TENM3: variants seen among roughly 807,000 people sequenced by gnomAD.
TENM3 encodes the protein teneurin transmembrane protein 3, also known as teneurin-3.
TENM3 carries 63 observed loss-of-function variants against 255.1 expected under a neutral mutation model. That is an observed-to-expected ratio of 0.25 (90% CI 0.20 to 0.30). The LOEUF (loss-of-function observed/expected upper bound fraction) is 0.30. TENM3 is among the 10% of genes least tolerant of loss of function. The pLI is 1.00. For missense variants in TENM3, 2,929 were observed against 3,461.1 expected, an observed-to-expected ratio of 0.85 and a Z score of 3.86; for synonymous variants, 1,306 against 1,322.3, an observed-to-expected ratio of 0.99 and a Z score of 0.27.
At chr4:182,161,808 T>C (rs545240671) in intron 1 of TENM3, among the ~76,000 whole-genome samples, 1 of 33,556 alleles carries the variant, frequency 3.0e-5, no homozygotes, top group Admixed American at 5.8e-4. Context: ...TATATACACA[T>C]ATATATGTAT....
intron 24 of TENM3, among the ~76,000 whole-genome samples, chr4:182,782,981 C>T (rs1765300014): frequency 2.0e-5 from 3 of 151,524 alleles, no homozygotes; most frequent in Admixed American, 2.0e-4. Flanking sequence ...CTGAATACAG[C>T]ACACTGATGG....
chr4:182,569,436 C>A (rs780493374), intron 3 of TENM3, among the ~76,000 whole-genome samples: 36 of 151,954 alleles, frequency 2.4e-4, no homozygotes, highest in Non-Finnish European at 4.6e-4. Flanking sequence ...TGCCTGTAAT[C>A]CCAGCTACTC....
At chr4:181,745,980 G>C in the TENM3 span, among the ~76,000 whole-genome samples, 1 of 152,192 alleles carries the variant, frequency 6.6e-6, no homozygotes, top group African/African-American at 2.4e-5. Context: ...AGGAACTCAA[G>C]TGGAGCAAGT....
At chr4:182,655,709 A>G (rs1753691094) in intron 6 of TENM3, among the ~76,000 whole-genome samples, 3 of 152,214 alleles carry the variant, frequency 2.0e-5, no homozygotes, top group South Asian at 4.1e-4. Context: ...AGAACATCAC[A>G]TGAATGTGGC....
chr4:181,812,108 C>T, the TENM3 span, among the ~76,000 whole-genome samples: 1 of 152,106 alleles, frequency 6.6e-6, no homozygotes, highest in Non-Finnish European at 1.5e-5. Flanking sequence ...AGGCCTAGGT[C>T]AAAATGACAC....
chr4:182,587,437 T>C (rs1252378997), intron 3 of TENM3, among the ~76,000 whole-genome samples: 1 of 152,042 alleles, frequency 6.6e-6, no homozygotes, highest in African/African-American at 2.4e-5. Context: ...ACAAAAATTT[T>C]TGTACTAAAA....
At chr4:182,133,321 C>T in the TENM3 span, among the ~76,000 whole-genome samples, 1 of 152,140 alleles carries the variant, frequency 6.6e-6, no homozygotes, top group East Asian at 1.9e-4. Flanking sequence ...TGAAAACCAT[C>T]CTAGAAATAG....
rs1314436527 is a variant in TENM3 at position 182,738,537 on chromosome 4, A to C, written c.3372A>C (p.Val1124=). The change falls in exon 18 of 28, where the codon GTA becomes GTC. Residue 1124 remains valine, a synonymous_variant. Transcript: ENST00000511685. ...TAGATAAACATCACGTGCTGGATGT[A>C]CAGAACGGTAAGCTCTTGTTCATAG... is the stretch of plus-strand genomic sequence containing the variant. ...WTLDKHHVLD[V]QNGILYKGNG... is the part of the protein sequence containing the mutation. 6.2e-7 allele frequency: 1 copy of C among 1,610,918 alleles called. No individual in the cohort carries two copies. The highest frequency in any genetic ancestry group is 1.3e-5 in the African/African-American group (1 of 74,788).
In TENM3 at chr4:182,468,553, A is replaced by G. The variant is rs28377609; in HGVS notation, c.511+121624A>G. 6.6e-3 allele frequency among the ~76,000 whole-genome samples: 1,007 copies of G among 152,258 alleles called. 9 individuals are homozygous for G. Among genetic ancestry groups the G allele is most frequent in the African/African-American group, 0.023 (952 of 41,528 alleles). On this transcript the variant is annotated intron_variant, in intron 3 of 27. Coordinates refer to ENST00000511685, the MANE Select transcript of TENM3 (RefSeq NM_001080477.4). ...CCTTTTATTTAAACTAACACATAAC[A>G]TCTGCATTTCAGGTGTCTGTTAGTA...
At chr4:182,474,515 A>G (rs1733479131) in intron 3 of TENM3, among the ~76,000 whole-genome samples, 1 of 152,192 alleles carries the variant, frequency 6.6e-6, no homozygotes, top group Non-Finnish European at 1.5e-5. Flanking sequence ...GTGGCAACTC[A>G]AAAACTTCAC....
At chr4:181,924,046 C>G in the TENM3 span, among the ~76,000 whole-genome samples, 2 of 152,162 alleles carry the variant, frequency 1.3e-5, no homozygotes, top group African/African-American at 2.4e-5. Context: ...ATGCAAAGCA[C>G]TGACTGCTGT....
the TENM3 span, among the ~76,000 whole-genome samples, chr4:181,657,479 C>T: frequency 3.9e-5 from 6 of 152,122 alleles, no homozygotes; most frequent in African/African-American, 1.4e-4. Flanking sequence ...TACCGTCTAA[C>T]ACCAGTCAGA....
intron 1 of TENM3, among the ~76,000 whole-genome samples, chr4:182,148,575 T>G (rs1357245980): frequency 2.0e-4 from 30 of 152,126 alleles, no homozygotes; most frequent in African/African-American, 4.8e-5. Flanking sequence ...CTAGGTTATT[T>G]CCTTTTTTGT....
chr4:182,355,721 G>T (rs1049087755), intron 3 of TENM3, among the ~76,000 whole-genome samples: 1 of 152,024 alleles, frequency 6.6e-6, no homozygotes, highest in Non-Finnish European at 1.5e-5. Flanking sequence ...ATGATTAATT[G>T]GGGGAAGAGA....
At chr4:182,370,022 G>T (rs73869951) in intron 3 of TENM3, among the ~76,000 whole-genome samples, 3,738 of 152,272 alleles carry the variant, frequency 0.025, 97 homozygotes, top group African/African-American at 0.064. Flanking sequence ...GTGTCACTGG[G>T]TTTGAGTTTC....
chr4:182,676,554 A>C (rs1192354498), intron 7 of TENM3, among the ~76,000 whole-genome samples: 1 of 152,250 alleles, frequency 6.6e-6, no homozygotes, highest in African/African-American at 2.4e-5. Flanking sequence ...GTAAGGACAC[A>C]GTTAAGTATT....
intron 5 of TENM3, among the ~76,000 whole-genome samples, chr4:182,632,654 CAT>C (rs1405555817): frequency 2.0e-5 from 3 of 152,048 alleles, no homozygotes; most frequent in East Asian, 3.9e-4. Context: ...TTTTTTGTCA[CAT>C]GTTATGTACT....
chr4:182,144,202 GCACA>G (rs3833623), upstream of TENM3: 450 of 148,600 alleles, frequency 3.0e-3, 4 homozygotes, highest in South Asian at 0.011. Flanking sequence ...GCACACTCCC[GCACA>G]CACACACACA....
the TENM3 span, among the ~76,000 whole-genome samples, chr4:181,807,326 T>C: frequency 6.6e-6 from 1 of 152,226 alleles, no homozygotes; most frequent in South Asian, 2.1e-4. Flanking sequence ...AACGATTACT[T>C]ACCTAAGACA....
Sources: allele counts gnomAD v4.1 joint callset (sites outside exome capture counted in the v4.1 genomes callset), GRCh38; gene constraint gnomAD v4.1.1; transcripts MANE v1.5; gene names NCBI Gene and HGNC (gene_info 2026-07-23, HGNC 2026-07-21).